Variants in OTOGL observed in about 807,000 individuals in gnomAD.
OTOGL encodes the protein otogelin-like protein.
Under a neutral mutation model 318.5 loss-of-function variants are expected in OTOGL, and 285 were observed. That is an observed-to-expected ratio of 0.89 (90% CI 0.81 to 0.99). The LOEUF is 0.99. Ranked by LOEUF, OTOGL falls within the 50% of genes least tolerant of loss-of-function variation. The pLI, the probability that OTOGL is intolerant of heterozygous loss-of-function variation, is 0.00. For missense variants in OTOGL, 2,899 were observed against 2,845.6 expected, an observed-to-expected ratio of 1.02 and a Z score of -0.43; for synonymous variants, 987 against 936.5, an observed-to-expected ratio of 1.05 and a Z score of -0.99.
Position 80,148,168 on chromosome 12 carries a change from G to T in OTOGL, c.-20+48563G>T, listed in dbSNP as rs376292428. 1.1e-3 allele frequency among the ~76,000 whole-genome samples: 160 copies of T among 151,186 alleles called. 1 individual carries two copies. In the East Asian group the frequency reaches 0.022, roughly 21 times the overall value. ...TAGTCTCGATGGTCTTTACATTTTG[G>T]CATGATTTTGCAGCGGCTGGTACCG... On this transcript the variant is annotated intron_variant, in intron 1 of 58. Transcript: ENST00000547103.
At chr12:80,194,384 C>A (rs954051593) in intron 1 of OTOGL, among the ~76,000 whole-genome samples, 2 of 152,130 alleles carry the variant, frequency 1.3e-5, no homozygotes, top group Non-Finnish European at 2.9e-5. Context: ...AACCAAAGAA[C>A]CTTGAGAAAC....
At chr12:80,324,744 G>T (rs1887569231) in intron 35 of OTOGL, among the ~76,000 whole-genome samples, 1 of 152,176 alleles carries the variant, frequency 6.6e-6, no homozygotes, top group African/African-American at 2.4e-5. Flanking sequence ...ATTTATGAGA[G>T]AAGGAAGAGT....
At chr12:80,117,693 G>A (rs1451474848) in intron 1 of OTOGL, among the ~76,000 whole-genome samples, 1 of 152,120 alleles carries the variant, frequency 6.6e-6, no homozygotes, top group African/African-American at 2.4e-5. Flanking sequence ...GTACGACCTA[G>A]AAGAATCCTC....
intron 1 of OTOGL, among the ~76,000 whole-genome samples, chr12:80,147,459 A>T (rs1397730871): frequency 1.3e-5 from 2 of 150,908 alleles, no homozygotes; most frequent in Admixed American, 6.6e-5. Context: ...TTTGCTGAGG[A>T]GAGCTTTACT....
Position 80,274,933 on chromosome 12 carries a change from G to A in OTOGL, c.2681+3123G>A, listed in dbSNP as rs372774761. ...GCCCACTGTTGAGACCTGATGCCTA[G>A]AAAAAAAATTCCTTTTAAAATATTA... On this transcript the variant is annotated intron_variant, in intron 24 of 58. Transcript: ENST00000547103. Among the ~76,000 whole-genome samples, 27 of 151,960 alleles carry A rather than the reference G, an allele frequency of 1.8e-4. 2 individuals are homozygous for A. The highest frequency in any genetic ancestry group is 6.3e-4 in the African/African-American group (26 of 41,506).
chr12:80,255,502 A>G (rs1881955676), intron 16 of OTOGL, among the ~76,000 whole-genome samples: 1 of 151,952 alleles, frequency 6.6e-6, no homozygotes, highest in Admixed American at 6.6e-5. Flanking sequence ...TTTTTTGTAC[A>G]TATAGTTTTG....
At chr12:80,168,365 A>G (rs1010064325) in intron 1 of OTOGL, among the ~76,000 whole-genome samples, 10 of 152,192 alleles carry the variant, frequency 6.6e-5, no homozygotes, top group African/African-American at 2.4e-4. Flanking sequence ...TAAAAAATAT[A>G]GCCTATAAGA....
chr12:80,281,121 G>A (rs1565951708), intron 26 of OTOGL, among the ~76,000 whole-genome samples: 1 of 151,870 alleles, frequency 6.6e-6, no homozygotes, highest in East Asian at 1.9e-4. Flanking sequence ...TTTTCCAGGT[G>A]TAGAATCATA....
At chr12:80,308,521 G>C (rs1412565783) in intron 29 of OTOGL, among the ~76,000 whole-genome samples, 1 of 151,512 alleles carries the variant, frequency 6.6e-6, no homozygotes, top group East Asian at 2.0e-4. Context: ...CATCCCAGAC[G>C]ATGGGCGGCC....
At chr12:80,175,032 G>C (rs74108535) in intron 1 of OTOGL, among the ~76,000 whole-genome samples, 2,159 of 151,886 alleles carry the variant, frequency 0.014, 61 homozygotes, top group African/African-American at 0.05. Flanking sequence ...AATGCAGAAG[G>C]GTGTCTTATC....
At chr12:80,347,700 T>G (rs1889284594) in intron 44 of OTOGL, among the ~76,000 whole-genome samples, 1 of 152,190 alleles carries the variant, frequency 6.6e-6, no homozygotes, top group Non-Finnish European at 1.5e-5. Context: ...ATTGCCACAC[T>G]GTCTTCCATA....
chr12:80,361,049 T>C (rs189008211), intron 52 of OTOGL: 4 of 152,212 alleles, frequency 2.6e-5, no homozygotes, highest in Non-Finnish European at 4.4e-5. Flanking sequence ...CTAATGATTG[T>C]CATTATGTTT....
At chr12:80,266,258 A>T (rs1033177187) in intron 20 of OTOGL, among the ~76,000 whole-genome samples, 193 bp from the exon 21 acceptor site, 3 of 152,198 alleles carry the variant, frequency 2.0e-5, no homozygotes, top group African/African-American at 7.2e-5. Context: ...TTGCAGAAAA[A>T]GGTTTCCAAC....
At chr12:80,326,182 G>A (rs1887668011) in intron 35 of OTOGL, among the ~76,000 whole-genome samples, 1 of 152,032 alleles carries the variant, frequency 6.6e-6, no homozygotes, top group Admixed American at 6.6e-5. Context: ...CCAAGTCCGC[G>A]ACATAACCAG....
chr12:80,323,947 C>A, intron 35 of OTOGL, 107 bp downstream of exon 35: 2 of 753,754 alleles, frequency 2.7e-6, no homozygotes, highest in Non-Finnish European at 4.4e-6. Flanking sequence ...GTTGTATATG[C>A]TATATATTCT....
Position 80,313,620 on chromosome 12 carries a change from T to C in OTOGL, c.3595T>C (p.Ser1199Pro), listed in dbSNP as rs1320737678. The change falls in exon 31 of 59, where the codon TCT becomes CCT. Residue 1199 changes from serine to proline, a missense_variant. By Grantham distance (74) the Ser-to-Pro change is moderately conservative. Coordinates refer to ENST00000547103, the MANE Select transcript of OTOGL (RefSeq NM_001378609.3). ...QEGISIHWRS[S>P]TVCSLDCEYY... ...AGGAATATCAATTCATTGGAGATCA[T>C]CTACTGTTTGTTGTAAGTACCCTAC... The C allele has an allele frequency of 6.2e-7, 1 of 1,611,496 alleles. No homozygotes were observed. Among genetic ancestry groups the C allele is most frequent in the African/African-American group, 1.3e-5 (1 of 74,976 alleles).
chr12:80,136,610 T>A (rs1871587388), intron 1 of OTOGL, among the ~76,000 whole-genome samples: 1 of 152,178 alleles, frequency 6.6e-6, no homozygotes, highest in Non-Finnish European at 1.5e-5. Flanking sequence ...AGTCTCAGGC[T>A]TTTGGACTTG....
intron 32 of OTOGL, among the ~76,000 whole-genome samples, chr12:80,315,485 C>T (rs1033470091): frequency 2.0e-5 from 3 of 152,078 alleles, no homozygotes; most frequent in African/African-American, 7.2e-5. Context: ...TTTTGCAAAT[C>T]TATTTAATGA....
intron 1 of OTOGL, among the ~76,000 whole-genome samples, chr12:80,183,473 G>T (rs1019258944): frequency 2.0e-5 from 3 of 152,168 alleles, no homozygotes; most frequent in African/African-American, 7.2e-5. Context: ...ATAGAATCAG[G>T]ATGTTTTTGG....
Sources: allele counts gnomAD v4.1 joint callset (sites outside exome capture counted in the v4.1 genomes callset), GRCh38; gene constraint gnomAD v4.1.1; transcripts MANE v1.5; gene names NCBI Gene and HGNC (gene_info 2026-07-23, HGNC 2026-07-21).